Variants in TDRD3 observed in about 807,000 individuals in gnomAD.
TDRD3 encodes tudor domain containing 3.
In TDRD3, 45 loss-of-function variants were observed where a neutral mutation model predicts 86.7. The observed-to-expected ratio is 0.52, with a 90% confidence interval of 0.41 to 0.67. The LOEUF (loss-of-function observed/expected upper bound fraction) is 0.67, where lower values mean the gene tolerates loss of function less well. TDRD3 is among the 30% of genes least tolerant of loss of function. TDRD3 has a pLI of 0.00. For synonymous variants in TDRD3, 298 were observed against 301.7 expected (o/e 0.99, Z 0.13); for missense variants, 814 against 889.0 (o/e 0.92, Z 1.07).
intron 4 of TDRD3, among the ~76,000 whole-genome samples, chr13:60,462,446 G>A (rs1955821549): frequency 1.3e-5 from 2 of 152,136 alleles, no homozygotes; most frequent in Admixed American, 1.3e-4. Context: ...CCTACTTTTG[G>A]TGCCGTAAAA....
At chr13:60,560,756 T>C (rs998248288) in intron 12 of TDRD3, among the ~76,000 whole-genome samples, 1 of 152,176 alleles carries the variant, frequency 6.6e-6, no homozygotes, top group Non-Finnish European at 1.5e-5. Flanking sequence ...AATTTTAATA[T>C]AACTTTAGAA....
chr13:60,457,738 G>A (rs1383289991), intron 3 of TDRD3, among the ~76,000 whole-genome samples: 1 of 152,200 alleles, frequency 6.6e-6, no homozygotes, highest in African/African-American at 2.4e-5. Flanking sequence ...CCTTTTGGAG[G>A]CTCTGAGGGA....
chr13:60,433,479 T>C (rs1487435637), intron 1 of TDRD3, among the ~76,000 whole-genome samples: 1 of 152,232 alleles, frequency 6.6e-6, no homozygotes, highest in African/African-American at 2.4e-5. Context: ...TCCCAGTGCG[T>C]ACAAAGTGAC....
At chr13:60,496,942 G>A (rs1405186187) in intron 8 of TDRD3, among the ~76,000 whole-genome samples, 1 of 152,210 alleles carries the variant, frequency 6.6e-6, no homozygotes, top group Non-Finnish European at 1.5e-5. Flanking sequence ...CTTGGGCCAT[G>A]CAGTGTTATA....
chr13:60,486,888 T>C (rs547822004), intron 7 of TDRD3, among the ~76,000 whole-genome samples: 1 of 152,304 alleles, frequency 6.6e-6, no homozygotes, highest in South Asian at 2.1e-4. Flanking sequence ...TGTCACTTAA[T>C]GTAATGTCCT....
intron 12 of TDRD3, among the ~76,000 whole-genome samples, chr13:60,551,169 T>G (rs2137899915): frequency 6.6e-6 from 1 of 152,348 alleles, no homozygotes. Flanking sequence ...TTCTTTAGCC[T>G]CTGTATCCAC....
At chr13:60,501,626 A>G (rs949859850) in intron 8 of TDRD3, among the ~76,000 whole-genome samples, 4 of 152,170 alleles carry the variant, frequency 2.6e-5, no homozygotes, top group Admixed American at 2.6e-4. Flanking sequence ...ACAACCAAAG[A>G]TTCTTTTTAG....
At chr13:60,432,107 A>G (rs895890248) in intron 1 of TDRD3, among the ~76,000 whole-genome samples, 1 of 152,028 alleles carries the variant, frequency 6.6e-6, no homozygotes, top group Non-Finnish European at 1.5e-5. Flanking sequence ...GAAACAAAAT[A>G]AAAGACCTCT....
rs1217616900 is a variant in TDRD3 at position 60,483,826 on chromosome 13, C to T, written c.547C>T (p.Pro183Ser). The T allele has an allele frequency of 1.2e-6, 2 of 1,612,996 alleles. No individual in the cohort carries two copies. Among genetic ancestry groups the T allele is most frequent in the Non-Finnish European group, 1.7e-6 (2 of 1,179,456 alleles). The part of the protein sequence containing the change: ...SNIGTEGGPP[P>S]FVPFGQKCVS... The stretch of plus-strand genomic sequence containing the variant: ...TATTGGAACTGAAGGTGGACCACCG[C>T]CTTTTGTGCCTTTTGGACAGGTAAT... The change falls in exon 6 of 14, where the codon CCT (proline) becomes TCT (serine). Residue 183 changes from proline (P) to serine (S), a missense_variant. By Grantham distance (74) the Pro-to-Ser change is moderately conservative. Transcript: ENST00000377881.
chr13:60,451,922 G>A (rs1955554693), intron 3 of TDRD3, among the ~76,000 whole-genome samples: 1 of 152,102 alleles, frequency 6.6e-6, no homozygotes, highest in South Asian at 2.1e-4. Flanking sequence ...CATTGAATCT[G>A]CGCATTAGCT....
chr13:60,500,081 G>A (rs1443370812), intron 8 of TDRD3, among the ~76,000 whole-genome samples: 1 of 152,186 alleles, frequency 6.6e-6, no homozygotes, highest in Non-Finnish European at 1.5e-5. Flanking sequence ...CTAGGATTTT[G>A]GAGCAAGGCC....
At chr13:60,556,534 A>AT (rs932319174) in intron 12 of TDRD3, among the ~76,000 whole-genome samples, 2 of 152,212 alleles carry the variant, frequency 1.3e-5, no homozygotes, top group African/African-American at 2.4e-5. Context: ...AGATCTGGGA[A>AT]TAGATTGTAA....
intron 1 of TDRD3, among the ~76,000 whole-genome samples, chr13:60,408,128 A>G (rs1395753602): frequency 7.1e-6 from 1 of 141,426 alleles, no homozygotes; most frequent in Non-Finnish European, 1.6e-5. Flanking sequence ...TGATGGGTTT[A>G]TCAGGGGTTT....
chr13:60,550,114 G>C (rs553811534), intron 12 of TDRD3, among the ~76,000 whole-genome samples: 15 of 152,170 alleles, frequency 9.9e-5, no homozygotes, highest in Admixed American at 9.2e-4. Context: ...TAAGAGTAGA[G>C]AGAGCTTAGA....
At chr13:60,441,413 A>C (rs1447547933) in intron 2 of TDRD3, among the ~76,000 whole-genome samples, 1 of 152,112 alleles carries the variant, frequency 6.6e-6, no homozygotes, top group African/African-American at 2.4e-5. Context: ...TATCTGAATG[A>C]GTTAATTTGT....
chr13:60,532,749 C>T (rs1445929636), intron 11 of TDRD3, among the ~76,000 whole-genome samples: 5 of 151,932 alleles, frequency 3.3e-5, no homozygotes, highest in East Asian at 1.9e-4. Flanking sequence ...CTATTTTTTT[C>T]GTCAACTGAA....
chr13:60,498,260 A>C (rs1033333707), intron 8 of TDRD3, among the ~76,000 whole-genome samples: 10 of 152,146 alleles, frequency 6.6e-5, no homozygotes, highest in African/African-American at 2.2e-4. Context: ...ATGCCCTGTA[A>C]TTGCTCTTCT....
At chr13:60,554,446 ATC>A (rs1958141518) in intron 12 of TDRD3, among the ~76,000 whole-genome samples, 2 of 152,158 alleles carry the variant, frequency 1.3e-5, no homozygotes, top group Non-Finnish European at 2.9e-5. Flanking sequence ...TATAGACATC[ATC>A]ATTGATACTC....
intron 5 of TDRD3, among the ~76,000 whole-genome samples, chr13:60,479,743 T>C (rs531308121): frequency 4.6e-5 from 7 of 152,332 alleles, no homozygotes; most frequent in African/African-American, 1.7e-4. Context: ...TTTATTATTA[T>C]GTATGTCATT....
Sources: gnomAD v4.1 joint callset for allele counts (sites outside exome capture counted in the v4.1 genomes callset) on GRCh38, gnomAD v4.1.1 for gene constraint, MANE v1.5 for transcripts, NCBI Gene and HGNC (gene_info 2026-07-23, HGNC 2026-07-21) for gene names.